CLMN: variants seen among roughly 807,000 people sequenced by gnomAD.
CLMN encodes calmin, also known as calmin (calponin-like, transmembrane).
CLMN carries 57 observed loss-of-function variants against 92.7 expected under a neutral mutation model. That is an observed-to-expected ratio of 0.61 (90% CI 0.50 to 0.77). The LOEUF (loss-of-function observed/expected upper bound fraction) is 0.77, where lower values mean the gene tolerates loss of function less well. Ranked by LOEUF, CLMN falls within the 30% of genes least tolerant of loss-of-function variation. The pLI, the probability that CLMN is intolerant of heterozygous loss-of-function variation, is 0.00. For missense variants in CLMN, 1,158 were observed against 1,237.5 expected, an observed-to-expected ratio of 0.94 and a Z score of 0.96; for synonymous variants, 466 against 470.6, an observed-to-expected ratio of 0.99 and a Z score of 0.13.
At chr14:95,215,437 G>C (rs775401592) in intron 5 of CLMN, among the ~76,000 whole-genome samples, 2 of 152,170 alleles carry the variant, frequency 1.3e-5, no homozygotes, top group African/African-American at 4.8e-5. Flanking sequence ...TTCTCTTCTA[G>C]AGAACTTGCA....
At position 95,191,861 on chromosome 14, in the gene CLMN, T is replaced by C. The variant is rs929654727; in HGVS notation, c.2841-129A>G. ...AAGACCCGAAGGCTCCCCAGCACCA[T>C]GTCCAGGTAGGCCCCACACTGTGTG... On this transcript the variant is annotated intron_variant, in intron 12 of 12. Coordinates refer to ENST00000298912, the MANE Select transcript of CLMN (RefSeq NM_024734.4). The surrounding 1 kb of genome is among the most constrained non-coding windows in gnomAD (Gnocchi z 5.3). 9.7e-6 allele frequency: 8 copies of C among 825,472 alleles called. No homozygotes were observed. Among genetic ancestry groups the C allele is most frequent in the Non-Finnish European group, 1.3e-5 (7 of 539,000 alleles). 51.1% of individuals were successfully genotyped at this position (825,472 alleles called of 1,614,324 possible). A position where few individuals can be genotyped will look rare whatever the true frequency, so the allele number is the denominator to read the frequency against.
chr14:95,227,860 A>T (rs1355776331), intron 2 of CLMN, among the ~76,000 whole-genome samples: 1 of 152,270 alleles, frequency 6.6e-6, no homozygotes, highest in East Asian at 1.9e-4. Flanking sequence ...TTCAAATTGC[A>T]GTTAAGCCCA....
chr14:95,241,253 G>A (rs2140654970), intron 1 of CLMN, among the ~76,000 whole-genome samples: 1 of 152,130 alleles, frequency 6.6e-6, no homozygotes, highest in Non-Finnish European at 1.5e-5. Flanking sequence ...CAACTGTCCG[G>A]ATTTGCCTGG....
chr14:95,298,377 C>T (rs1012590934), intron 1 of CLMN, among the ~76,000 whole-genome samples: 1 of 152,168 alleles, frequency 6.6e-6, no homozygotes, highest in Non-Finnish European at 1.5e-5. Context: ...TCCTCTTTAG[C>T]CAGAAGCTTC....
chr14:95,301,855 A>G (rs976166326), intron 1 of CLMN, among the ~76,000 whole-genome samples: 1 of 152,256 alleles, frequency 6.6e-6, no homozygotes, highest in African/African-American at 2.4e-5. Flanking sequence ...CAATTCACTT[A>G]GTACGTGTCA....
In CLMN at chr14:95,203,377, G is replaced by A. The variant is rs1399421857; in HGVS notation, c.1972C>T (p.His658Tyr). The change falls in exon 9 of 13, where the codon CAT (histidine) becomes TAT (tyrosine). Residue 658 changes from histidine (H) to tyrosine (Y), a missense_variant. Transcript: ENST00000298912. ...GTGGACTTTCTCTTGGCCTTTTCAT[G>A]CACCTCTGGCTTTTTATCCACTGGT... ...ETPVDKKPEV[H>Y]EKAKRKSTRP... The A allele has an allele frequency of 8.7e-6, 14 of 1,613,974 alleles. No individual in the cohort carries two copies. The highest frequency in any genetic ancestry group is 1.2e-5 in the Non-Finnish European group (14 of 1,180,042).
At chr14:95,193,566 C>T (rs1189378656) in intron 12 of CLMN, among the ~76,000 whole-genome samples, 1 of 152,206 alleles carries the variant, frequency 6.6e-6, no homozygotes, top group South Asian at 2.1e-4. Context: ...CTATACCACT[C>T]ATTTAAACAC....
intron 1 of CLMN, among the ~76,000 whole-genome samples, chr14:95,315,336 A>T (rs943335944): frequency 3.9e-5 from 6 of 152,152 alleles, no homozygotes; most frequent in Non-Finnish European, 7.3e-5. Context: ...TGGGCCAAAG[A>T]GCTGCCCAGG....
At chr14:95,224,609 G>C (rs558784407) in intron 2 of CLMN, among the ~76,000 whole-genome samples, 139 of 152,310 alleles carry the variant, frequency 9.1e-4, no homozygotes, top group Non-Finnish European at 1.7e-3. Context: ...TGGGGAAACT[G>C]AGGCTCAAAG....
chr14:95,319,253 C>CCCA (rs1404693489), intron 1 of CLMN, among the ~76,000 whole-genome samples: 1 of 152,014 alleles, frequency 6.6e-6, no homozygotes, highest in African/African-American at 2.4e-5. Context: ...TGAAGCGCCG[C>CCCA]CCACCATTCA....
chr14:95,211,097 A>G (rs1285058707), intron 6 of CLMN, among the ~76,000 whole-genome samples: 1 of 152,242 alleles, frequency 6.6e-6, no homozygotes. Flanking sequence ...CACTGAACAA[A>G]GAGGCAAAAT....
intron 1 of CLMN, among the ~76,000 whole-genome samples, chr14:95,240,770 T>C (rs1387532128): frequency 1.3e-5 from 2 of 152,166 alleles, no homozygotes; most frequent in Non-Finnish European, 2.9e-5. Flanking sequence ...TGAGTGGCCA[T>C]GTTTCCTATG....
intron 1 of CLMN, among the ~76,000 whole-genome samples, chr14:95,234,486 T>C (rs1329085906): frequency 6.6e-6 from 1 of 152,194 alleles, no homozygotes; most frequent in Non-Finnish European, 1.5e-5. Flanking sequence ...TGTAAAGGTG[T>C]AGGAAACCAT....
rs1036494098 is a variant in CLMN at position 95,202,235 on chromosome 14, C to T, written c.2511+603G>A. ...AAGCATTCCTACTTCTCCACAGCCT[C>T]GCCAGCATCTATTGTTTCCTGACAT... On this transcript the variant is annotated intron_variant, in intron 9 of 12. Transcript: ENST00000298912. 3.9e-5 allele frequency among the ~76,000 whole-genome samples: 6 copies of T among 152,190 alleles called. No individual in the cohort carries two copies. In the South Asian group the frequency reaches 6.2e-4, roughly 16 times the overall value.
intron 9 of CLMN, among the ~76,000 whole-genome samples, chr14:95,199,701 A>G (rs1197319187): frequency 6.6e-6 from 1 of 152,222 alleles, no homozygotes; most frequent in South Asian, 2.1e-4. Flanking sequence ...GATCAGCTAT[A>G]GGGAGGGAGC....
chr14:95,209,806 A>G lies in CLMN; in HGVS notation c.803-329T>C, dbSNP rs1417231495. ...AAGGACGGTGAACCAGGCAGCCTACATATGGTATACGGAGTCCTACGTTAG... is the reference window on the plus strand; with the variant it reads ...AAGGACGGTGAACCAGGCAGCCTACGTATGGTATACGGAGTCCTACGTTAG... On this transcript the variant is annotated intron_variant, in intron 7 of 12. Transcript: ENST00000298912. 2.0e-5 allele frequency among the ~76,000 whole-genome samples: 3 copies of G among 152,222 alleles called. No homozygotes were observed. In the South Asian group the frequency reaches 6.2e-4, roughly 31 times the overall value.
Position 95,204,381 on chromosome 14 carries a change from C to T in CLMN, c.968G>A (p.Ser323Asn), listed in dbSNP as rs750927580. Reference sequence around the variant, plus strand: ...ATTTTCAGTCAGAACGAAGACTTTGCTCTCCTGTTCAGAAGGAGTTTCTTT... The same window carrying T: ...ATTTTCAGTCAGAACGAAGACTTTGTTCTCCTGTTCAGAAGGAGTTTCTTT... ...RIKETPSEQE[S>N]KVFVLTENGE... The change falls in exon 9 of 13, where the codon AGC becomes AAC. Residue 323 changes from serine (S) to asparagine (N), a missense_variant. Physicochemically the swap from Ser to Asn is conservative, Grantham distance 46. Transcript: ENST00000298912. The T allele has an allele frequency of 2.5e-6, 4 of 1,613,866 alleles. No individual in the cohort carries two copies. The highest frequency in any genetic ancestry group is 1.3e-5 in the African/African-American group (1 of 74,844).
At chr14:95,192,888 A>AT (rs1434145825) in intron 12 of CLMN, 3 of 157,142 alleles carry the variant, frequency 1.9e-5, no homozygotes, top group African/African-American at 7.2e-5. Flanking sequence ...TACAGGTTCT[A>AT]TTTTCAACGC....
intron 1 of CLMN, among the ~76,000 whole-genome samples, chr14:95,316,039 A>G (rs1277660996): frequency 6.6e-6 from 1 of 152,202 alleles, no homozygotes; most frequent in East Asian, 1.9e-4. Context: ...AACTGGTGGA[A>G]CACTGAGCTG....
Sources: gnomAD v4.1 joint callset for allele counts (sites outside exome capture counted in the v4.1 genomes callset) on GRCh38, gnomAD v4.1.1 for gene constraint, Gnocchi (gnomAD v3.1) non-coding constraint, MANE v1.5 for transcripts, NCBI Gene and HGNC (gene_info 2026-07-23, HGNC 2026-07-21) for gene names.